Variants in SH2D4A observed in about 807,000 individuals in gnomAD.
The protein encoded by SH2D4A is SH2 domain-containing protein 4A.
In SH2D4A, 70 loss-of-function variants were observed where a neutral mutation model predicts 64.7. The observed-to-expected ratio is 1.08, with a 90% CI of 0.89 to 1.32. SH2D4A has a LOEUF of 1.32. Ranked by LOEUF, SH2D4A falls within the 40% of genes most tolerant of loss-of-function variation. SH2D4A has a pLI of 0.00. For missense variants in SH2D4A, 706 were observed against 540.1 expected, an observed-to-expected ratio of 1.31 and a Z score of -3.04; for synonymous variants, 268 against 200.7, an observed-to-expected ratio of 1.34 and a Z score of -2.83.
rs926912819 is a variant in SH2D4A at position 19,361,372 on chromosome 8, A to G, written c.706+58A>G. The G allele has an allele frequency of 2.6e-6, 4 of 1,515,056 alleles. No individual in the cohort carries two copies. In the African/African-American group the frequency reaches 5.7e-5, roughly 22 times the overall value. 93.9% of individuals were successfully genotyped at this position (1,515,056 alleles called of 1,614,324 possible). A position where few individuals can be genotyped will look rare whatever the true frequency, so the allele number is the denominator to read the frequency against. ...AGGCTCTCAGCTGATTCTCTCCCTTAATAATGTGATCAATCTAGAAAGCGC... is the reference window on the plus strand; with the variant it reads ...AGGCTCTCAGCTGATTCTCTCCCTTGATAATGTGATCAATCTAGAAAGCGC... On this transcript the variant is annotated intron_variant, in intron 6 of 9. Transcript: ENST00000265807.
At position 19,387,582 on chromosome 8, in the gene SH2D4A, T is replaced by C. The variant is rs190142223; in HGVS notation, c.1049-5736T>C. Among the ~76,000 whole-genome samples, 3 of 152,346 alleles carry C rather than the reference T, an allele frequency of 2.0e-5. No homozygotes were observed. In the East Asian group the frequency reaches 5.8e-4, roughly 29 times the overall value. On this transcript the variant is annotated intron_variant, in intron 8 of 9. Transcript: ENST00000265807. ...TTTTATTTTTGTACCATCACATGCT[T>C]TCTGGACAGTTTCTTCTGACACAGC...
At chr8:19,335,508 G>T (rs926614471) in intron 4 of SH2D4A, among the ~76,000 whole-genome samples, 6 of 152,182 alleles carry the variant, frequency 3.9e-5, no homozygotes, top group African/African-American at 1.2e-4. Context: ...TTTCTGTAAA[G>T]TGCAACATAG....
chr8:19,364,565 C>G (rs895332643), intron 7 of SH2D4A, among the ~76,000 whole-genome samples: 3 of 152,036 alleles, frequency 2.0e-5, no homozygotes, highest in Non-Finnish European at 4.4e-5. Flanking sequence ...CCCTACCCCA[C>G]TCTCCCCTTT....
At chr8:19,379,162 T>A (rs2053248454) in intron 8 of SH2D4A, among the ~76,000 whole-genome samples, 1 of 152,018 alleles carries the variant, frequency 6.6e-6, no homozygotes, top group South Asian at 2.1e-4. Context: ...ACTACCCATT[T>A]AATAATGCTC....
intron 4 of SH2D4A, among the ~76,000 whole-genome samples, chr8:19,354,250 C>T (rs775069941): frequency 1.3e-5 from 2 of 152,174 alleles, no homozygotes; most frequent in African/African-American, 2.4e-5. Flanking sequence ...ATCCACCCAA[C>T]TTGGCCTCTC....
At chr8:19,351,775 C>T (rs1172016520) in intron 4 of SH2D4A, among the ~76,000 whole-genome samples, 1 of 152,040 alleles carries the variant, frequency 6.6e-6, no homozygotes, top group Non-Finnish European at 1.5e-5. Context: ...TTTGACTGTA[C>T]AACCCTACCA....
At chr8:19,362,714 T>C (rs2052911897) in intron 6 of SH2D4A, among the ~76,000 whole-genome samples, 1 of 152,026 alleles carries the variant, frequency 6.6e-6, no homozygotes, top group Non-Finnish European at 1.5e-5. Context: ...CACTTCAGCC[T>C]GGGCAATGTA....
In SH2D4A at chr8:19,313,742, C is replaced by A. The variant is rs773505141; in HGVS notation, c.-286C>A. The A allele has an allele frequency of 9.7e-5, 146 of 1,509,342 alleles. 4 individuals are homozygous for A. The African/African-American group carries it at 1.9e-3, about 20-fold the overall frequency. The allele number at this position is 1,509,342 out of a possible 1,614,324, so 93.5% of individuals were successfully genotyped here. On this transcript the variant is annotated 5_prime_UTR_variant, in exon 1 of 10. Coordinates refer to ENST00000265807, the MANE Select transcript of SH2D4A (RefSeq NM_022071.4). ...GCTTGGGACGCCTCTGCCTTTCCCTCCCTCCCTTCCCCGACGGCTTCTGGC... is the reference window on the plus strand; with the variant it reads ...GCTTGGGACGCCTCTGCCTTTCCCTACCTCCCTTCCCCGACGGCTTCTGGC...
At chr8:19,380,602 T>A (rs546151022) in intron 8 of SH2D4A, among the ~76,000 whole-genome samples, 1 of 152,332 alleles carries the variant, frequency 6.6e-6, no homozygotes, top group African/African-American at 2.4e-5. Context: ...GTTATGCAAT[T>A]TTACCAGCAC....
At chr8:19,326,045 A>AT (rs1318733967) in intron 2 of SH2D4A, among the ~76,000 whole-genome samples, 10 of 152,162 alleles carry the variant, frequency 6.6e-5, no homozygotes, top group Non-Finnish European at 4.4e-5. Context: ...CAATTGCTCC[A>AT]TTTTCACCCT....
intron 9 of SH2D4A, 79 bp downstream of exon 9, chr8:19,393,620 G>A: frequency 7.2e-7 from 1 of 1,387,714 alleles, no homozygotes; most frequent in Non-Finnish European, 1.0e-6. Flanking sequence ...CAATTACAAA[G>A]AAAAGGACTG....
chr8:19,364,756 A>G (rs2052962496), intron 7 of SH2D4A, among the ~76,000 whole-genome samples: 1 of 152,210 alleles, frequency 6.6e-6, no homozygotes. Flanking sequence ...GCCAAGGATT[A>G]AAGGTTTGAT....
intron 4 of SH2D4A, among the ~76,000 whole-genome samples, chr8:19,353,695 T>TTTTTTA (rs1554481600): frequency 2.7e-5 from 4 of 146,224 alleles, no homozygotes; most frequent in African/African-American, 5.2e-5. Context: ...TTTTTTTTTT[T>TTTTTTA]AATAAAGGAA....
At chr8:19,357,169 C>T (rs1444094699) in intron 4 of SH2D4A, 34 bp from the exon 5 acceptor site, 5 of 1,535,984 alleles carry the variant, frequency 3.3e-6, no homozygotes, top group Non-Finnish European at 3.6e-6. Flanking sequence ...ACTGCAGCTC[C>T]AAATGCCATA....
chr8:19,347,599 C>T (rs951157438), intron 4 of SH2D4A, among the ~76,000 whole-genome samples: 2 of 152,190 alleles, frequency 1.3e-5, no homozygotes, highest in African/African-American at 4.8e-5. Flanking sequence ...ACTGTCCTTG[C>T]CCCTGAAAGG....
chr8:19,346,889 G>A lies in SH2D4A; in HGVS notation c.514-10314G>A, dbSNP rs142281908. On this transcript the variant is annotated intron_variant, in intron 4 of 9. Transcript: ENST00000265807. ...AGTATGTAGAGCAATAAAAGATATTGTTCTTATCAGGAGGCCAGGCTTCGT... is the reference window on the plus strand; with the variant it reads ...AGTATGTAGAGCAATAAAAGATATTATTCTTATCAGGAGGCCAGGCTTCGT... Among the ~76,000 whole-genome samples, 274 of 152,282 alleles carry A rather than the reference G, an allele frequency of 1.8e-3. 4 individuals carry two copies. Among genetic ancestry groups the A allele is most frequent in the Middle Eastern group, 3.4e-3 (1 of 294 alleles).
At chr8:19,393,634 C>CA in intron 9 of SH2D4A, 93 bp downstream of exon 9, 1 of 1,265,528 alleles carries the variant, frequency 7.9e-7, no homozygotes, top group African/African-American at 1.5e-5. Flanking sequence ...AGGACTGAGA[C>CA]AAGTACTGGG....
chr8:19,335,710 T>G (rs1311002941), intron 4 of SH2D4A, among the ~76,000 whole-genome samples: 1 of 152,206 alleles, frequency 6.6e-6, no homozygotes, highest in Non-Finnish European at 1.5e-5. Context: ...CAGTGCCTGT[T>G]GGGCTTCATT....
intron 8 of SH2D4A, among the ~76,000 whole-genome samples, chr8:19,389,907 G>C (rs892104116): frequency 7.9e-5 from 12 of 152,096 alleles, no homozygotes; most frequent in African/African-American, 2.7e-4. Flanking sequence ...CTTTTCTCTA[G>C]CACAGAAATC....
Sources: allele counts gnomAD v4.1 joint callset (sites outside exome capture counted in the v4.1 genomes callset), GRCh38; gene constraint gnomAD v4.1.1; transcripts MANE v1.5; gene names NCBI Gene and HGNC (gene_info 2026-07-23, HGNC 2026-07-21).